Variants in ERBB4 observed in about 807,000 individuals in gnomAD.
ERBB4 encodes the protein erb-b2 receptor tyrosine kinase 4.
ERBB4 carries 42 observed loss-of-function variants against 158.0 expected under a neutral mutation model. The ratio of observed to expected loss-of-function variants is 0.27; its 90% CI spans 0.21 to 0.34. The LOEUF (loss-of-function observed/expected upper bound fraction) is 0.34, where lower values mean the gene tolerates loss of function less well. Ranked by LOEUF, ERBB4 falls within the 10% of genes least tolerant of loss-of-function variation. The pLI, the probability that ERBB4 is intolerant of heterozygous loss-of-function variation, is 1.00. For synonymous variants in ERBB4, 583 were observed against 558.7 expected, an observed-to-expected ratio of 1.04 and a Z score of -0.61; for missense variants, 1,333 against 1,624.1, an observed-to-expected ratio of 0.82 and a Z score of 3.08.
chr2:212,407,506 ACT>A (rs1299785825), intron 1 of ERBB4, among the ~76,000 whole-genome samples: 1 of 152,056 alleles, frequency 6.6e-6, no homozygotes, highest in African/African-American at 2.4e-5. Context: ...GATCCCAAGC[ACT>A]CTGACTTCAA....
At chr2:212,427,158 G>T (rs2105926195) in intron 1 of ERBB4, among the ~76,000 whole-genome samples, 1 of 152,202 alleles carries the variant, frequency 6.6e-6, no homozygotes, top group East Asian at 1.9e-4. Context: ...CAGCGTAAAT[G>T]ATCTGTTATT....
At chr2:212,388,637 A>G (rs778875723) in intron 1 of ERBB4, among the ~76,000 whole-genome samples, 1 of 152,098 alleles carries the variant, frequency 6.6e-6, no homozygotes, top group Non-Finnish European at 1.5e-5. Flanking sequence ...AATGGACTGA[A>G]CCTAGAAGCA....
At chr2:212,356,333 G>C (rs1247446262) in intron 1 of ERBB4, among the ~76,000 whole-genome samples, 1 of 151,864 alleles carries the variant, frequency 6.6e-6, no homozygotes, top group Non-Finnish European at 1.5e-5. Flanking sequence ...ACTTCCATCA[G>C]CCACAGGCAG....
chr2:211,861,103 A>ATTT (rs2078021433), intron 3 of ERBB4, among the ~76,000 whole-genome samples: 1 of 48,844 alleles, frequency 2.0e-5, no homozygotes, highest in Non-Finnish European at 3.7e-5. Context: ...TAAATACATT[A>ATTT]TATATATTTA....
At chr2:212,439,225 C>T (rs1479451908) in intron 1 of ERBB4, among the ~76,000 whole-genome samples, 8 of 152,206 alleles carry the variant, frequency 5.3e-5, no homozygotes, top group South Asian at 2.1e-4. Flanking sequence ...AAGACTGCTT[C>T]GAGATTATTC....
At chr2:212,140,528 T>A (rs1235760047) in intron 1 of ERBB4, among the ~76,000 whole-genome samples, 3 of 149,854 alleles carry the variant, frequency 2.0e-5, no homozygotes, top group African/African-American at 7.3e-5. Flanking sequence ...AAAATGTTTT[T>A]TTTTTAATTT....
chr2:211,735,019 A>C (rs2074558674), intron 5 of ERBB4, among the ~76,000 whole-genome samples: 1 of 152,084 alleles, frequency 6.6e-6, no homozygotes, highest in Non-Finnish European at 1.5e-5. Flanking sequence ...TAGACATGGC[A>C]TACATATTTT....
At chr2:212,050,795 T>A (rs1326322317) in intron 2 of ERBB4, among the ~76,000 whole-genome samples, 2 of 152,188 alleles carry the variant, frequency 1.3e-5, no homozygotes, top group African/African-American at 4.8e-5. Flanking sequence ...TACTTTTTGA[T>A]AACTAAGAAC....
At position 211,683,697 on chromosome 2, in the gene ERBB4, C is replaced by T. The variant is rs189160738; in HGVS notation, c.1490-4513G>A. Among the ~76,000 whole-genome samples the T allele has an allele frequency of 2.7e-4, 40 of 149,414 alleles. No homozygotes were observed. In the East Asian group the frequency reaches 6.8e-3, roughly 25 times the overall value. On this transcript the variant is annotated intron_variant, in intron 12 of 27. Transcript: ENST00000342788. ...TTTTCATTTTTCTGTAATAAATTCT[C>T]GGGAGTTAATTGCTGGGTTATATGG...
intron 19 of ERBB4, among the ~76,000 whole-genome samples, chr2:211,600,841 A>C (rs1235195103): frequency 2.6e-5 from 4 of 152,112 alleles, no homozygotes; most frequent in African/African-American, 9.7e-5. Context: ...TGGCAGCCAG[A>C]TATGTAATTT....
chr2:212,428,790 AAGAAG>A (rs202195530), intron 1 of ERBB4, among the ~76,000 whole-genome samples: 3 of 152,144 alleles, frequency 2.0e-5, no homozygotes, highest in Non-Finnish European at 2.9e-5. Flanking sequence ...ATTTGTTATC[AAGAAG>A]AGAAGAGACA....
At chr2:212,176,503 CT>C (rs1430423788) in intron 1 of ERBB4, among the ~76,000 whole-genome samples, 5 of 151,998 alleles carry the variant, frequency 3.3e-5, no homozygotes. Context: ...GCACCCTGCT[CT>C]TTGACTTCTT....
Position 212,263,941 on chromosome 2 carries a change from A to T in ERBB4, c.83-139038T>A, listed in dbSNP as rs112876825. Reference sequence around the variant, plus strand: ...TTGTAATTGTTAGACCCTTTGTAATATCTATGGCTTGTCTGTCCTACTAAA... The same window carrying T: ...TTGTAATTGTTAGACCCTTTGTAATTTCTATGGCTTGTCTGTCCTACTAAA... On this transcript the variant is annotated intron_variant, in intron 1 of 27. Coordinates refer to ENST00000342788, the MANE Select transcript of ERBB4 (RefSeq NM_005235.3). Among the ~76,000 whole-genome samples, 742 of 152,192 alleles carry T rather than the reference A, an allele frequency of 4.9e-3. 7 individuals carry two copies. The highest frequency in any genetic ancestry group is 0.017 in the Middle Eastern group (5 of 294).
intron 2 of ERBB4, among the ~76,000 whole-genome samples, chr2:212,046,652 C>T (rs553850255): frequency 1.3e-5 from 2 of 152,252 alleles, no homozygotes; most frequent in East Asian, 1.9e-4. Flanking sequence ...TATTTTTCCA[C>T]CAAATTGTCT....
intron 1 of ERBB4, among the ~76,000 whole-genome samples, chr2:212,414,290 A>G (rs1436564924): frequency 6.6e-6 from 1 of 152,220 alleles, no homozygotes; most frequent in Non-Finnish European, 1.5e-5. Context: ...TCATTGCTCT[A>G]TTAGTGAAAG....
At chr2:211,862,923 G>C (rs1396166779) in intron 3 of ERBB4, among the ~76,000 whole-genome samples, 4 of 152,072 alleles carry the variant, frequency 2.6e-5, no homozygotes, top group African/African-American at 9.7e-5. Context: ...CTAACTAAAG[G>C]ATTGTAAATG....
intron 4 of ERBB4, among the ~76,000 whole-genome samples, chr2:211,755,952 T>C (rs556163115): frequency 6.6e-6 from 1 of 152,364 alleles, no homozygotes; most frequent in African/African-American, 2.4e-5. Flanking sequence ...CTTTTACTCC[T>C]TTTAAAAACT....
intron 25 of ERBB4, among the ~76,000 whole-genome samples, chr2:211,390,733 G>T (rs949753132): frequency 6.6e-6 from 1 of 152,184 alleles, no homozygotes; most frequent in Non-Finnish European, 1.5e-5. Context: ...GCTTTGACAA[G>T]TCTTTCAGTC....
chr2:211,926,204 TATTA>T (rs556136909), intron 3 of ERBB4, among the ~76,000 whole-genome samples: 3 of 152,120 alleles, frequency 2.0e-5, no homozygotes, highest in Non-Finnish European at 4.4e-5. Flanking sequence ...CTCCCCCTTT[TATTA>T]GTTACCTTTT....
Sources: gnomAD v4.1 joint callset for allele counts (sites outside exome capture counted in the v4.1 genomes callset) on GRCh38, gnomAD v4.1.1 for gene constraint, MANE v1.5 for transcripts, NCBI Gene and HGNC (gene_info 2026-07-23, HGNC 2026-07-21) for gene names.